Variants in CLMP observed in about 807,000 individuals in gnomAD.
The protein encoded by CLMP is CXADR-like membrane protein.
CLMP carries 27 observed loss-of-function variants against 45.2 expected under a neutral mutation model. That is an observed-to-expected ratio of 0.60 (90% CI 0.44 to 0.82). CLMP has a LOEUF of 0.82. Ranked by LOEUF, CLMP falls within the 40% of genes least tolerant of loss-of-function variation. The pLI is 0.00. For synonymous variants in CLMP, 167 were observed against 171.4 expected (o/e 0.97, Z 0.20); for missense variants, 403 against 448.4 (o/e 0.90, Z 0.91).
At chr11:123,135,854 A>G (rs76796317) in intron 1 of CLMP, 474 of 437,584 alleles carry the variant, frequency 1.1e-3, no homozygotes, top group African/African-American at 9.2e-3. Flanking sequence ...GTACTGTTGA[A>G]AGACCCCTTA....
intron 1 of CLMP, among the ~76,000 whole-genome samples, chr11:123,182,523 T>G (rs1020522911): frequency 6.6e-6 from 1 of 152,220 alleles, no homozygotes; most frequent in Non-Finnish European, 1.5e-5. Context: ...GGAATACCTC[T>G]TTGGTGGCCT....
chr11:123,180,353 G>T (rs1388845955), intron 1 of CLMP, among the ~76,000 whole-genome samples: 1 of 152,134 alleles, frequency 6.6e-6, no homozygotes, highest in Non-Finnish European at 1.5e-5. Context: ...GGGCCTTGGG[G>T]ACTGATTAGG....
At chr11:123,078,417 C>G (rs1267898548) in intron 5 of CLMP, among the ~76,000 whole-genome samples, 1 of 152,064 alleles carries the variant, frequency 6.6e-6, no homozygotes, top group African/African-American at 2.4e-5. Flanking sequence ...AAGTTAGAAA[C>G]CTGGATTATG....
intron 1 of CLMP, among the ~76,000 whole-genome samples, chr11:123,134,594 G>A (rs7947919): frequency 0.066 from 10,069 of 151,482 alleles, 556 homozygotes; most frequent in East Asian, 0.23. Context: ...GGGGGATCAC[G>A]TGAGGTCAGG....
chr11:123,176,460 G>A (rs992151695), intron 1 of CLMP, among the ~76,000 whole-genome samples: 2 of 152,350 alleles, frequency 1.3e-5, no homozygotes, highest in African/African-American at 2.4e-5. Context: ...ATCTCTGGAA[G>A]GGAAATGGTA....
intron 1 of CLMP, among the ~76,000 whole-genome samples, chr11:123,149,921 C>G (rs1591478161): frequency 6.6e-6 from 1 of 151,772 alleles, no homozygotes; most frequent in East Asian, 1.9e-4. Context: ...AATGATTCTC[C>G]TGGCTCCTGA....
intron 1 of CLMP, among the ~76,000 whole-genome samples, chr11:123,137,442 G>A (rs896114265): frequency 2.0e-5 from 3 of 151,980 alleles, no homozygotes; most frequent in African/African-American, 7.2e-5. Flanking sequence ...GAGGAGCAAA[G>A]CCTGGTGGAG....
chr11:123,096,438 C>A (rs550005023), intron 2 of CLMP, among the ~76,000 whole-genome samples: 1 of 152,128 alleles, frequency 6.6e-6, no homozygotes, highest in African/African-American at 2.4e-5. Context: ...GCGGGAGAAT[C>A]GCTTGAACCC....
At chr11:123,083,889 A>C (rs1309688032) in intron 3 of CLMP, 42 bp from the exon 4 acceptor site, 1 of 1,602,968 alleles carries the variant, frequency 6.2e-7, no homozygotes, top group Admixed American at 1.7e-5. Flanking sequence ...TGATTCAAAG[A>C]TCCCCAAACA....
At chr11:123,137,255 G>A (rs1205726926) in intron 1 of CLMP, among the ~76,000 whole-genome samples, 4 of 140,724 alleles carry the variant, frequency 2.8e-5, no homozygotes, top group East Asian at 2.2e-4. Context: ...CCGGGTTCAC[G>A]CCATTCTCCT....
chr11:123,082,008 G>A (rs1472322385), intron 5 of CLMP, among the ~76,000 whole-genome samples: 2 of 152,234 alleles, frequency 1.3e-5, no homozygotes, highest in East Asian at 1.9e-4. Flanking sequence ...CTCCACGGCT[G>A]ATGCTCTTAG....
chr11:123,074,142 G>A (rs1422340504), intron 6 of CLMP, among the ~76,000 whole-genome samples: 3 of 150,050 alleles, frequency 2.0e-5, no homozygotes, highest in Non-Finnish European at 4.4e-5. Flanking sequence ...AATGTAAATT[G>A]AACTGTTTTA....
intron 1 of CLMP, among the ~76,000 whole-genome samples, chr11:123,185,351 G>A (rs977534894): frequency 1.4e-4 from 22 of 152,162 alleles, no homozygotes; most frequent in Admixed American, 6.5e-5. Context: ...GTCTTGTTAA[G>A]TGCCAGATCT....
chr11:123,108,305 T>C (rs1860589088), intron 1 of CLMP, among the ~76,000 whole-genome samples: 1 of 152,170 alleles, frequency 6.6e-6, no homozygotes, highest in South Asian at 2.1e-4. Context: ...TACAAACATA[T>C]ATTTGGTACT....
intron 1 of CLMP, among the ~76,000 whole-genome samples, chr11:123,104,209 T>C (rs1860500600): frequency 1.4e-5 from 2 of 147,846 alleles, no homozygotes; most frequent in Non-Finnish European, 3.0e-5. Flanking sequence ...GATCTCGGGT[T>C]CATGAGTAAC....
At chr11:123,104,062 T>C (rs569024773) in intron 1 of CLMP, among the ~76,000 whole-genome samples, 135 of 150,142 alleles carry the variant, frequency 9.0e-4, no homozygotes, top group Non-Finnish European at 1.5e-3. Context: ...ACTCCTGACC[T>C]CAGGTGATCA....
intron 1 of CLMP, among the ~76,000 whole-genome samples, chr11:123,146,310 G>A (rs910277257): frequency 2.6e-5 from 4 of 152,118 alleles, no homozygotes; most frequent in Non-Finnish European, 2.9e-5. Flanking sequence ...TATATAAACA[G>A]CATCCACCTA....
At chr11:123,144,431 G>A (rs1861208920) in intron 1 of CLMP, among the ~76,000 whole-genome samples, 1 of 152,190 alleles carries the variant, frequency 6.6e-6, no homozygotes, top group South Asian at 2.1e-4. Context: ...GAGTGCAATG[G>A]TGCAATCTCG....
intron 1 of CLMP, among the ~76,000 whole-genome samples, chr11:123,172,998 C>G (rs1861656684): frequency 6.6e-6 from 1 of 152,206 alleles, no homozygotes; most frequent in Non-Finnish European, 1.5e-5. Flanking sequence ...TTCCTTGTCA[C>G]CATTTTGCAT....
Sources: allele counts gnomAD v4.1 joint callset (sites outside exome capture counted in the v4.1 genomes callset), GRCh38; gene constraint gnomAD v4.1.1; transcripts MANE v1.5; gene names NCBI Gene and HGNC (gene_info 2026-07-23, HGNC 2026-07-21).